The following ART3 variants were observed in gnomAD, a reference collection of about 807,000 sequenced individuals.
ART3 encodes the protein ADP-ribosyltransferase 3 (inactive).
In ART3, 49 loss-of-function variants were observed where a neutral mutation model predicts 48.5. That is an observed-to-expected ratio of 1.01 (90% CI 0.80 to 1.28). The LOEUF is 1.28. Ranked by LOEUF, ART3 falls within the 50% of genes most tolerant of loss-of-function variation. The probability of loss-of-function intolerance (pLI) is 0.00; values close to 1 mark genes in which losing one functional copy is unlikely to be tolerated. For missense variants in ART3, 438 were observed against 454.3 expected (o/e 0.96, Z 0.33); for synonymous variants, 145 against 157.2 (o/e 0.92, Z 0.58).
intron 1 of ART3, among the ~76,000 whole-genome samples, chr4:76,045,082 TG>T (rs1263068681): frequency 6.6e-6 from 1 of 152,116 alleles, no homozygotes; most frequent in Non-Finnish European, 1.5e-5. Flanking sequence ...CACTGGTCCC[TG>T]GGGGAAGAGG....
chr4:76,032,418 G>A (rs1220760974), intron 1 of ART3, among the ~76,000 whole-genome samples: 1 of 151,912 alleles, frequency 6.6e-6, no homozygotes, highest in African/African-American at 2.4e-5. Flanking sequence ...TGTTGCCCAA[G>A]CTAGTCTTGA....
chr4:76,104,116 G>T, intron 9 of ART3, 147 bp downstream of exon 9: 1 of 948,906 alleles, frequency 1.1e-6, no homozygotes, highest in South Asian at 1.6e-5. Flanking sequence ...TTTAGCTGGG[G>T]AAGCGTAGAG....
rs200409447 is a variant in ART3, at chr4:76,109,337, A to G, written c.1036+1544A>G. Among the ~76,000 whole-genome samples, 43 of 152,042 alleles carry G rather than the reference A, an allele frequency of 2.8e-4. No individual in the cohort carries two copies. The East Asian group carries it at 7.3e-3, about 26-fold the overall frequency. On this transcript the variant is annotated intron_variant, in intron 11 of 11. Transcript: ENST00000355810. ...ATACAGGGTCAGGATCATCAATATC[A>G]CTGTCTTGCACCTCCACATCTTGTT...
At chr4:76,022,925 G>A in intron 1 of ART3, 1 of 1,123,208 alleles carries the variant, frequency 8.9e-7, no homozygotes, top group East Asian at 2.4e-5. Flanking sequence ...TCAGCAAATA[G>A]TCACTTAATC....
chr4:76,077,093 A>G (rs978302236), intron 2 of ART3, among the ~76,000 whole-genome samples: 2 of 152,166 alleles, frequency 1.3e-5, no homozygotes, highest in Non-Finnish European at 2.9e-5. Flanking sequence ...CAGTATATTC[A>G]TTATGTTCTG....
chr4:76,110,809 T>A (rs1409226188), intron 11 of ART3, among the ~76,000 whole-genome samples: 2 of 151,844 alleles, frequency 1.3e-5, no homozygotes, highest in Non-Finnish European at 2.9e-5. Flanking sequence ...TTGAAGAAAC[T>A]TGCAGACAAA....
intron 1 of ART3, among the ~76,000 whole-genome samples, chr4:76,024,715 G>C (rs1024725442): frequency 6.6e-6 from 1 of 152,198 alleles, no homozygotes. Context: ...TGCAATGAGA[G>C]ATCTGAGGCA....
intron 10 of ART3, among the ~76,000 whole-genome samples, chr4:76,107,018 C>T (rs1268829891): frequency 2.0e-5 from 3 of 152,036 alleles, no homozygotes; most frequent in African/African-American, 7.3e-5. Flanking sequence ...GTACAATATT[C>T]AATAGATTAC....
At chr4:76,015,178 T>C (rs1004985207) in intron 1 of ART3, among the ~76,000 whole-genome samples, 1 of 152,216 alleles carries the variant, frequency 6.6e-6, no homozygotes, top group African/African-American at 2.4e-5. Context: ...GGTTTGTACC[T>C]TCTCATTTTT....
chr4:76,074,961 T>A (rs1357669111), intron 1 of ART3, 142 bp downstream of exon 1: 1 of 152,228 alleles, frequency 6.6e-6, no homozygotes, highest in Non-Finnish European at 1.5e-5. Context: ...AAAGAGAAGT[T>A]TAACACAAAG....
chr4:76,101,262 G>A (rs1263500703), intron 8 of ART3, among the ~76,000 whole-genome samples: 1 of 152,224 alleles, frequency 6.6e-6, no homozygotes, highest in East Asian at 1.9e-4. Flanking sequence ...AGAGGAAGGT[G>A]TGACTAATTA....
At chr4:76,110,919 A>G (rs1409096180) in intron 11 of ART3, among the ~76,000 whole-genome samples, 1 of 151,654 alleles carries the variant, frequency 6.6e-6, no homozygotes, top group Non-Finnish European at 1.5e-5. Context: ...TTACTACCAT[A>G]AAACATACAC....
chr4:76,106,267 T>G (rs1728448507), intron 10 of ART3: 1 of 985,296 alleles, frequency 1.0e-6, no homozygotes, highest in Non-Finnish European at 1.2e-6. Flanking sequence ...GGTATTTGGC[T>G]TCAAAGCTGT....
At chr4:76,050,594 G>T (rs867425877) in intron 1 of ART3, among the ~76,000 whole-genome samples, 2 of 152,206 alleles carry the variant, frequency 1.3e-5, no homozygotes, top group African/African-American at 2.4e-5. Flanking sequence ...CTGGCTTCAC[G>T]CAGTGGATCC....
chr4:76,065,160 G>C (rs1719604784), intron 1 of ART3, among the ~76,000 whole-genome samples: 1 of 152,144 alleles, frequency 6.6e-6, no homozygotes, highest in Admixed American at 6.6e-5. Flanking sequence ...AGGAGGAAGT[G>C]TTTGCAAAGC....
chr4:76,068,303 A>T (rs1224963787), intron 1 of ART3, among the ~76,000 whole-genome samples: 2 of 152,238 alleles, frequency 1.3e-5, no homozygotes, highest in Admixed American at 6.5e-5. Context: ...GTGTTCCCTC[A>T]TGCCCATATT....
chr4:76,021,309 CAT>C (rs1378219022), intron 1 of ART3: 2 of 152,204 alleles, frequency 1.3e-5, no homozygotes, highest in Non-Finnish European at 2.9e-5. Context: ...TACTTAATTA[CAT>C]GTTATTCCAT....
At chr4:76,091,529 T>C (rs990787191) in intron 3 of ART3, among the ~76,000 whole-genome samples, 4 of 152,222 alleles carry the variant, frequency 2.6e-5, no homozygotes, top group African/African-American at 9.6e-5. Flanking sequence ...TTGCCATTTG[T>C]ATATATTTAC....
At chr4:76,047,012 G>A (rs10002214) in intron 1 of ART3, among the ~76,000 whole-genome samples, 89,583 of 151,554 alleles carry the variant, frequency 0.59, 27,627 homozygotes, top group East Asian at 0.94. Context: ...CACTTGCCCC[G>A]GGCACCCTCA....
Sources: allele counts gnomAD v4.1 joint callset (sites outside exome capture counted in the v4.1 genomes callset), GRCh38; gene constraint gnomAD v4.1.1; transcripts MANE v1.5; gene names NCBI Gene and HGNC (gene_info 2026-07-23, HGNC 2026-07-21).